The following DHRSX variants were observed in gnomAD, a reference collection of about 807,000 sequenced individuals.
DHRSX encodes the protein polyprenol dehydrogenase.
DHRSX carries 31 observed loss-of-function variants against 34.0 expected under a neutral mutation model. The observed-to-expected ratio is 0.91, with a 90% CI of 0.69 to 1.23. The LOEUF (loss-of-function observed/expected upper bound fraction) is 1.23, where lower values mean the gene tolerates loss of function less well. Ranked by LOEUF, DHRSX falls within the 50% of genes most tolerant of loss-of-function variation. DHRSX has a pLI of 0.00. For missense variants in DHRSX, 414 were observed against 428.1 expected (o/e 0.97, Z 0.29); for synonymous variants, 201 against 183.8 (o/e 1.09, Z -0.76).
chrX:2,275,834 TTTAAAAA>T (rs1257186223), intron 4 of DHRSX, among the ~76,000 whole-genome samples: 2,441 of 151,610 alleles, frequency 0.016, 38 homozygotes, highest in Non-Finnish European at 0.025. Context: ...TTTGCCTTTT[TTTAAAAA>T]TTTTAATTTA....
At chrX:2,305,645 G>GACT (rs1238085148) in intron 3 of DHRSX, among the ~76,000 whole-genome samples, 2 of 152,144 alleles carry the variant, frequency 1.3e-5, no homozygotes, top group East Asian at 3.8e-4. Context: ...AGACACCATG[G>GACT]ACTACTATGC....
At chrX:2,473,250 C>G (rs1171102015) in intron 1 of DHRSX, among the ~76,000 whole-genome samples, 1 of 152,160 alleles carries the variant, frequency 6.6e-6, no homozygotes, top group Admixed American at 6.5e-5. Flanking sequence ...GGACAAAGTC[C>G]AGACCACACG....
chrX:2,365,377 T>C (rs1473040897), intron 3 of DHRSX, among the ~76,000 whole-genome samples: 2 of 152,122 alleles, frequency 1.3e-5, no homozygotes, highest in Non-Finnish European at 2.9e-5. Context: ...TGACCACAAA[T>C]GATCCACCCA....
chrX:2,421,481 A>G (rs1288993585), intron 2 of DHRSX, among the ~76,000 whole-genome samples: 1 of 152,242 alleles, frequency 6.6e-6, no homozygotes, highest in Admixed American at 6.5e-5. Flanking sequence ...TGAAGGACGG[A>G]GCAAGGAGCC....
At chrX:2,495,367 T>C (rs2045256805) in intron 1 of DHRSX, among the ~76,000 whole-genome samples, 1 of 151,964 alleles carries the variant, frequency 6.6e-6, no homozygotes, top group Admixed American at 6.6e-5. Flanking sequence ...ATTATTAATA[T>C]TATTGTTATT....
intron 3 of DHRSX, among the ~76,000 whole-genome samples, chrX:2,371,314 T>C (rs1411189472): frequency 6.8e-6 from 1 of 146,004 alleles, no homozygotes; most frequent in Non-Finnish European, 1.5e-5. Flanking sequence ...CCATAGACCC[T>C]CCTCCCGTTA....
chrX:2,234,867 TGCTGA>T (rs1394550277), intron 6 of DHRSX, among the ~76,000 whole-genome samples: 1 of 152,118 alleles, frequency 6.6e-6, no homozygotes, highest in African/African-American at 2.4e-5. Context: ...TGTGCCACCA[TGCTGA>T]GCTAATTTTT....
chrX:2,323,182 C>CTGG (rs1318593958), intron 3 of DHRSX, among the ~76,000 whole-genome samples: 2 of 152,134 alleles, frequency 1.3e-5, no homozygotes, highest in Non-Finnish European at 2.9e-5. Context: ...CAAAGTTATC[C>CTGG]AACCAACAAG....
At chrX:2,420,418 T>C (rs1226800515) in intron 2 of DHRSX, among the ~76,000 whole-genome samples, 2 of 127,020 alleles carry the variant, frequency 1.6e-5, no homozygotes, top group African/African-American at 5.9e-5. Flanking sequence ...CAAAAAATAA[T>C]AATAATAATA....
chrX:2,337,211 A>T (rs1311791294), intron 3 of DHRSX, among the ~76,000 whole-genome samples: 2 of 152,142 alleles, frequency 1.3e-5, no homozygotes, highest in Non-Finnish European at 2.9e-5. Context: ...TGATTTGCGA[A>T]TAGGGTCTTG....
intron 1 of DHRSX, among the ~76,000 whole-genome samples, chrX:2,491,169 A>C (rs1265018249): frequency 1.3e-5 from 2 of 148,840 alleles, no homozygotes; most frequent in Non-Finnish European, 3.0e-5. Context: ...TCCCGGGTTC[A>C]AGCGATCTTC....
intron 1 of DHRSX, among the ~76,000 whole-genome samples, chrX:2,459,362 A>C (rs1177399090): frequency 6.6e-6 from 1 of 151,850 alleles, no homozygotes; most frequent in African/African-American, 2.4e-5. Flanking sequence ...TTAATATGTT[A>C]ATTAGCTTGA....
chrX:2,270,907 TCAGCACTCTGTAAAATGGAC>T (rs1281727194), intron 4 of DHRSX, among the ~76,000 whole-genome samples: 33 of 149,096 alleles, frequency 2.2e-4, no homozygotes, highest in African/African-American at 8.4e-4. Context: ...AATGGACCAA[TCAGCACTCTGTAAAATGGAC>T]CAATCAGCAC....
rs749757433 is a variant in DHRSX at position 2,457,972 on chromosome X, T to A, written c.110-32668A>T. On this transcript the variant is annotated intron_variant, in intron 1 of 6. Coordinates refer to ENST00000334651, the MANE Select transcript of DHRSX (RefSeq NM_145177.3). ...TGAAGACATTCCCTAAGCTTGTGGCTAAGGGACCACCGCAGTGTGCACACT... is the reference window on the plus strand; with the variant it reads ...TGAAGACATTCCCTAAGCTTGTGGCAAAGGGACCACCGCAGTGTGCACACT... 5.4e-5 allele frequency among the ~76,000 whole-genome samples: 8 copies of A among 147,830 alleles called. No homozygotes were observed. In the East Asian group the frequency reaches 1.6e-3, roughly 30 times the overall value.
intron 5 of DHRSX, among the ~76,000 whole-genome samples, chrX:2,251,258 G>A (rs1033552795): frequency 6.6e-6 from 1 of 152,102 alleles, no homozygotes; most frequent in African/African-American, 2.4e-5. Context: ...TCAAAGACTT[G>A]TGCTAACATT....
Position 2,430,228 on chromosome X carries a change from C to T in DHRSX, c.110-4924G>A, listed in dbSNP as rs749608115. On this transcript the variant is annotated intron_variant, in intron 1 of 6. Transcript: ENST00000334651. ...GAGCCGTGATTGTGCCACTGCACCGCAGCCTGGGCAAGGTAGCGAGACCCC... is the reference window on the plus strand; with the variant it reads ...GAGCCGTGATTGTGCCACTGCACCGTAGCCTGGGCAAGGTAGCGAGACCCC... Among the ~76,000 whole-genome samples, 46 of 132,416 alleles carry T rather than the reference C, an allele frequency of 3.5e-4. No homozygotes were observed. The East Asian group carries it at 8.5e-3, about 25-fold the overall frequency. The allele number at this position is 132,416 out of a possible 152,430, so 86.9% of individuals were successfully genotyped here.
intron 3 of DHRSX, among the ~76,000 whole-genome samples, chrX:2,365,315 T>C (rs2042983607): frequency 2.6e-5 from 4 of 152,196 alleles, no homozygotes; most frequent in Admixed American, 6.5e-5. Context: ...GATTTTTGTA[T>C]TTTTAGTAGA....
intron 1 of DHRSX, among the ~76,000 whole-genome samples, chrX:2,473,897 C>T (rs1290382526): frequency 6.8e-6 from 1 of 146,630 alleles, no homozygotes; most frequent in African/African-American, 2.7e-5. Context: ...GGCTGTGATT[C>T]AGACCATTTC....
chrX:2,323,221 T>C (rs73187636), intron 3 of DHRSX, among the ~76,000 whole-genome samples: 73,215 of 151,932 alleles, frequency 0.48, 18,100 homozygotes, highest in Non-Finnish European at 0.54. Flanking sequence ...AAGACTCAGG[T>C]AGCCAAGCGC....
Sources: allele counts gnomAD v4.1 joint callset (sites outside exome capture counted in the v4.1 genomes callset), GRCh38; gene constraint gnomAD v4.1.1; transcripts MANE v1.5; gene names NCBI Gene and HGNC (gene_info 2026-07-23, HGNC 2026-07-21).